Variants in FER observed in about 807,000 individuals in gnomAD.
FER encodes tyrosine-protein kinase Fer.
A neutral mutation model predicts 111.0 loss-of-function variants in FER; 63 were observed. The observed-to-expected ratio is 0.57, with a 90% CI of 0.46 to 0.70. The LOEUF is 0.70. Ranked by LOEUF, FER falls within the 30% of genes least tolerant of loss-of-function variation. The pLI, the probability that FER is intolerant of heterozygous loss-of-function variation, is 0.00. For missense variants in FER, 914 were observed against 954.0 expected (o/e 0.96, Z 0.55); for synonymous variants, 327 against 313.9 (o/e 1.04, Z -0.44).
chr5:109,160,657 G>T (rs1174230683), intron 17 of FER, among the ~76,000 whole-genome samples: 1 of 152,042 alleles, frequency 6.6e-6, no homozygotes, highest in Non-Finnish European at 1.5e-5. Context: ...TTGTCTAATT[G>T]TAAAATGCCG....
intron 13 of FER, among the ~76,000 whole-genome samples, chr5:109,016,418 A>G (rs184023466): frequency 2.7e-3 from 407 of 152,152 alleles, no homozygotes; most frequent in African/African-American, 9.2e-3. Context: ...TTGAATATGA[A>G]TAAAGATAAG....
At chr5:108,792,831 G>A (rs1755536992) in intron 2 of FER, among the ~76,000 whole-genome samples, 1 of 151,276 alleles carries the variant, frequency 6.6e-6, no homozygotes, top group Admixed American at 6.6e-5. Context: ...AATTTATTTT[G>A]TATATTGACC....
intron 8 of FER, among the ~76,000 whole-genome samples, chr5:108,877,262 T>C (rs1474668894): frequency 6.6e-6 from 1 of 152,188 alleles, no homozygotes. Flanking sequence ...TATAATTTGC[T>C]CAGGCTGTGT....
chr5:108,847,065 T>G (rs1206836160), intron 5 of FER, among the ~76,000 whole-genome samples: 1 of 151,742 alleles, frequency 6.6e-6, no homozygotes, highest in Non-Finnish European at 1.5e-5. Flanking sequence ...GCACTTTTTC[T>G]GTTTTTCTTA....
intron 17 of FER, among the ~76,000 whole-genome samples, chr5:109,111,208 C>G (rs1383754130): frequency 2.0e-5 from 3 of 152,108 alleles, no homozygotes; most frequent in African/African-American, 7.2e-5. Flanking sequence ...TCTGGGGTCT[C>G]TGGTTTTATG....
chr5:108,997,729 C>T (rs949315096), intron 13 of FER, among the ~76,000 whole-genome samples: 4 of 152,102 alleles, frequency 2.6e-5, no homozygotes, highest in African/African-American at 7.2e-5. Flanking sequence ...GCTGCTCCCA[C>T]AGCTGCCTCT....
intron 16 of FER, among the ~76,000 whole-genome samples, chr5:109,063,312 G>C (rs1478301704): frequency 6.6e-6 from 1 of 152,136 alleles, no homozygotes; most frequent in Admixed American, 6.5e-5. Flanking sequence ...TTAACAGTCA[G>C]TTTCAGTTAT....
chr5:108,827,157 A>C (rs771301075), intron 3 of FER, among the ~76,000 whole-genome samples: 4 of 152,204 alleles, frequency 2.6e-5, no homozygotes, highest in Non-Finnish European at 4.4e-5. Context: ...TCCAACAGGA[A>C]AGTGGAACTT....
chr5:108,987,011 A>G (rs1762646771), intron 13 of FER, among the ~76,000 whole-genome samples: 1 of 151,730 alleles, frequency 6.6e-6, no homozygotes, highest in African/African-American at 2.4e-5. Flanking sequence ...TGGGAATTGC[A>G]TTGAATTTGT....
At chr5:108,984,127 C>G (rs1413119382) in intron 13 of FER, among the ~76,000 whole-genome samples, 1 of 152,044 alleles carries the variant, frequency 6.6e-6, no homozygotes, top group Non-Finnish European at 1.5e-5. Flanking sequence ...AGTTTTCTGT[C>G]CTTTCCTTTG....
intron 16 of FER, among the ~76,000 whole-genome samples, chr5:109,093,871 G>A (rs1747137429): frequency 6.6e-6 from 1 of 152,024 alleles, no homozygotes; most frequent in African/African-American, 2.4e-5. Flanking sequence ...AGGGTATCCT[G>A]GGGGGTTTCG....
intron 1 of FER, among the ~76,000 whole-genome samples, chr5:108,750,830 C>T (rs1441362235): frequency 1.3e-5 from 2 of 152,154 alleles, no homozygotes; most frequent in African/African-American, 2.4e-5. Flanking sequence ...TTAGCAATAA[C>T]GATTTCAAGA....
chr5:109,137,373 TA>T (rs1753011593), intron 17 of FER, among the ~76,000 whole-genome samples: 1 of 152,212 alleles, frequency 6.6e-6, no homozygotes, highest in African/African-American at 2.4e-5. Flanking sequence ...TAAAGCTGTA[TA>T]GTTCTGCCAT....
chr5:108,862,617 A>G (rs1047136760), intron 5 of FER, among the ~76,000 whole-genome samples: 5 of 152,218 alleles, frequency 3.3e-5, no homozygotes, highest in African/African-American at 9.6e-5. Flanking sequence ...TTTTGAACTG[A>G]CAGTAAAAAG....
At chr5:108,772,331 T>TAC (rs1554060716) in intron 2 of FER, among the ~76,000 whole-genome samples, 66 of 125,010 alleles carry the variant, frequency 5.3e-4, no homozygotes, top group African/African-American at 2.3e-3. Flanking sequence ...TATATATATA[T>TAC]ACACATATAT....
At chr5:108,823,152 C>T (rs1759081877) in intron 3 of FER, among the ~76,000 whole-genome samples, 1 of 152,194 alleles carries the variant, frequency 6.6e-6, no homozygotes, top group Admixed American at 6.5e-5. Flanking sequence ...CAGGCATGAA[C>T]CACTGTGCCT....
At chr5:108,811,135 A>G (rs945959457) in intron 3 of FER, among the ~76,000 whole-genome samples, 4 of 151,744 alleles carry the variant, frequency 2.6e-5, no homozygotes, top group African/African-American at 9.7e-5. Context: ...GAACCAGGCA[A>G]GTGGGTGCTC....
chr5:108,820,043 T>C lies in FER; in HGVS notation c.208-12727T>C, dbSNP rs1350878231. On this transcript the variant is annotated intron_variant, in intron 3 of 19. Transcript: ENST00000281092. ...GCTTGTCTAGGACATGGAAAGGGAA[T>C]GGGAAAGAGTGGAGAGCAGGAATAT... is the stretch of plus-strand genomic sequence containing the variant. 3.0e-6 allele frequency: 3 copies of C among 984,820 alleles called. No homozygotes were observed. The South Asian group carries it at 1.4e-4, about 46-fold the overall frequency. 61.0% of individuals were successfully genotyped at this position (984,820 alleles called of 1,614,324 possible).
chr5:108,868,413 G>C (rs1432404507), intron 6 of FER, among the ~76,000 whole-genome samples: 1 of 151,922 alleles, frequency 6.6e-6, no homozygotes, highest in East Asian at 1.9e-4. Flanking sequence ...TGATGCTTAG[G>C]GATATAGAGA....
Sources: allele counts gnomAD v4.1 joint callset (sites outside exome capture counted in the v4.1 genomes callset), GRCh38; gene constraint gnomAD v4.1.1; transcripts MANE v1.5; gene names NCBI Gene and HGNC (gene_info 2026-07-23, HGNC 2026-07-21).